The following RABGAP1L variants were observed in gnomAD, a reference collection of about 807,000 sequenced individuals.
RABGAP1L encodes rab GTPase-activating protein 1-like.
A neutral mutation model predicts 137.7 loss-of-function variants in RABGAP1L; 63 were observed. The ratio of observed to expected loss-of-function variants is 0.46; its 90% CI spans 0.37 to 0.56. The LOEUF (loss-of-function observed/expected upper bound fraction) is 0.56, where lower values mean the gene tolerates loss of function less well. Among genes scored for constraint, RABGAP1L ranks in the 20% least tolerant of loss-of-function variants. RABGAP1L has a pLI of 0.00. For missense variants in RABGAP1L, 1,095 were observed against 1,244.0 expected, an observed-to-expected ratio of 0.88 and a Z score of 1.80; for synonymous variants, 431 against 433.7, an observed-to-expected ratio of 0.99 and a Z score of 0.08.
At chr1:174,260,966 A>G (rs528495939) in intron 7 of RABGAP1L, among the ~76,000 whole-genome samples, 3 of 152,082 alleles carry the variant, frequency 2.0e-5, no homozygotes, top group African/African-American at 7.2e-5. Flanking sequence ...AAATAATACC[A>G]TATACATTTA....
At chr1:174,536,305 A>C (rs1664884316) in intron 13 of RABGAP1L, among the ~76,000 whole-genome samples, 1 of 151,996 alleles carries the variant, frequency 6.6e-6, no homozygotes, top group African/African-American at 2.4e-5. Flanking sequence ...CCAAAGTAAA[A>C]GCAATTTTAA....
intron 15 of RABGAP1L, among the ~76,000 whole-genome samples, chr1:174,697,728 A>G (rs1679371384): frequency 6.6e-6 from 1 of 152,186 alleles, no homozygotes; most frequent in South Asian, 2.1e-4. Context: ...TTGGCCATAT[A>G]TGTTCAAGTT....
At chr1:174,569,557 C>T (rs910444719) in intron 13 of RABGAP1L, among the ~76,000 whole-genome samples, 1 of 152,184 alleles carries the variant, frequency 6.6e-6, no homozygotes, top group Admixed American at 6.6e-5. Context: ...TTTCACCTGA[C>T]ACGAATCCTT....
chr1:174,640,772 C>G (rs1674466681), intron 14 of RABGAP1L, among the ~76,000 whole-genome samples: 1 of 151,768 alleles, frequency 6.6e-6, no homozygotes, highest in Non-Finnish European at 1.5e-5. Flanking sequence ...ATTGCACTGA[C>G]CACACCTTTA....
At chr1:174,198,002 T>C (rs1667822812) in intron 1 of RABGAP1L, among the ~76,000 whole-genome samples, 1 of 152,108 alleles carries the variant, frequency 6.6e-6, no homozygotes, top group South Asian at 2.1e-4. Flanking sequence ...GATAAGGAGA[T>C]TACATAGCAT....
At chr1:174,453,869 A>C (rs1289081906) in intron 13 of RABGAP1L, among the ~76,000 whole-genome samples, 1 of 152,170 alleles carries the variant, frequency 6.6e-6, no homozygotes, top group African/African-American at 2.4e-5. Flanking sequence ...TATTAACATG[A>C]TGTCATTAAG....
At chr1:174,955,999 T>C (rs1363929388) in intron 19 of RABGAP1L, among the ~76,000 whole-genome samples, 1 of 152,224 alleles carries the variant, frequency 6.6e-6, no homozygotes, top group Admixed American at 6.5e-5. Flanking sequence ...AGATTTAATA[T>C]GTATTATGGA....
intron 13 of RABGAP1L, among the ~76,000 whole-genome samples, chr1:174,440,318 A>G (rs1035885901): frequency 1.1e-4 from 17 of 152,224 alleles, no homozygotes; most frequent in African/African-American, 4.1e-4. Flanking sequence ...CATTGTGGAA[A>G]AAAATATTTT....
intron 18 of RABGAP1L, among the ~76,000 whole-genome samples, chr1:174,755,070 A>C (rs1009392172): frequency 3.9e-5 from 6 of 152,234 alleles, no homozygotes; most frequent in African/African-American, 1.4e-4. Context: ...ATCAAAGCTC[A>C]AGATCACCTT....
chr1:174,721,499 C>T (rs1198456604), intron 17 of RABGAP1L, among the ~76,000 whole-genome samples: 1 of 152,154 alleles, frequency 6.6e-6, no homozygotes, highest in Non-Finnish European at 1.5e-5. Flanking sequence ...GTGGGCCTTT[C>T]AACAAAGCCA....
intron 19 of RABGAP1L, among the ~76,000 whole-genome samples, chr1:174,949,453 A>T (rs1037889357): frequency 1.3e-5 from 2 of 152,192 alleles, no homozygotes; most frequent in African/African-American, 2.4e-5. Context: ...GAATCTAGTG[A>T]TGGATTGCCT....
At chr1:174,748,436 A>C (rs1684058872) in intron 17 of RABGAP1L, among the ~76,000 whole-genome samples, 1 of 152,230 alleles carries the variant, frequency 6.6e-6, no homozygotes, top group Non-Finnish European at 1.5e-5. Flanking sequence ...AAAACATCTG[A>C]GATGGGTTTC....
intron 19 of RABGAP1L, among the ~76,000 whole-genome samples, chr1:174,925,403 A>G (rs1200335223): frequency 6.6e-6 from 1 of 151,740 alleles, no homozygotes; most frequent in Non-Finnish European, 1.5e-5. Flanking sequence ...CAACAAAAAA[A>G]ACAGCTGGTG....
intron 14 of RABGAP1L, among the ~76,000 whole-genome samples, chr1:174,676,549 T>C (rs1414316272): frequency 1.3e-5 from 2 of 152,240 alleles, no homozygotes; most frequent in Admixed American, 6.5e-5. Flanking sequence ...GAGTTTCAAC[T>C]TCTAAGTGAA....
At chr1:174,350,027 A>C (rs2148923790) in intron 11 of RABGAP1L, among the ~76,000 whole-genome samples, 1 of 101,428 alleles carries the variant, frequency 9.9e-6, no homozygotes, top group South Asian at 4.1e-4. Context: ...ACTTCCCAGT[A>C]GGGGCGGCCG....
At chr1:174,896,359 A>C (rs1344704431) in intron 19 of RABGAP1L, among the ~76,000 whole-genome samples, 1 of 152,050 alleles carries the variant, frequency 6.6e-6, no homozygotes, top group Non-Finnish European at 1.5e-5. Context: ...AGATGAGTAG[A>C]TTGTAAAAAT....
At chr1:174,877,817 A>G (rs531770550) in intron 19 of RABGAP1L, among the ~76,000 whole-genome samples, 2 of 152,294 alleles carry the variant, frequency 1.3e-5, no homozygotes, top group South Asian at 4.1e-4. Context: ...GTTGAGAGGA[A>G]TTTTAGAGTG....
intron 19 of RABGAP1L, 79 bp downstream of exon 19, chr1:174,812,039 A>G: frequency 2.3e-6 from 3 of 1,309,242 alleles, no homozygotes; most frequent in Non-Finnish European, 3.0e-6. Flanking sequence ...AAATTTTTTT[A>G]TATGTTGCAA....
intron 13 of RABGAP1L, among the ~76,000 whole-genome samples, chr1:174,510,664 T>C (rs1662247101): frequency 6.6e-6 from 1 of 152,178 alleles, no homozygotes; most frequent in South Asian, 2.1e-4. Context: ...CTTTGTCATT[T>C]ACATAGTATA....
Sources: gnomAD v4.1 joint callset for allele counts (sites outside exome capture counted in the v4.1 genomes callset) on GRCh38, gnomAD v4.1.1 for gene constraint, MANE v1.5 for transcripts, NCBI Gene and HGNC (gene_info 2026-07-23, HGNC 2026-07-21) for gene names.